The following VPS13B variants were observed in gnomAD, a reference collection of about 807,000 sequenced individuals.
VPS13B encodes vacuolar protein sorting 13 homolog B, also known as intermembrane lipid transfer protein VPS13B.
VPS13B carries 285 observed loss-of-function variants against 426.4 expected under a neutral mutation model. The observed-to-expected ratio is 0.67, with a 90% confidence interval of 0.61 to 0.74. VPS13B has a LOEUF of 0.74. Among genes scored for constraint, VPS13B ranks in the 30% least tolerant of loss-of-function variants. The probability of loss-of-function intolerance (pLI) is 0.00; values close to 1 mark genes in which losing one functional copy is unlikely to be tolerated. For missense variants in VPS13B, 4,537 were observed against 4,782.6 expected, an observed-to-expected ratio of 0.95 and a Z score of 1.51; for synonymous variants, 1,676 against 1,676.4, an observed-to-expected ratio of 1.00 and a Z score of 0.01.
intron 19 of VPS13B, among the ~76,000 whole-genome samples, chr8:99,383,085 C>G (rs533246531): frequency 6.6e-6 from 1 of 152,246 alleles, no homozygotes; most frequent in South Asian, 2.1e-4. Flanking sequence ...TGTATATAAC[C>G]CGCACATAAA....
intron 31 of VPS13B, among the ~76,000 whole-genome samples, chr8:99,563,500 T>C (rs990015548): frequency 6.6e-6 from 1 of 151,902 alleles, no homozygotes; most frequent in African/African-American, 2.4e-5. Context: ...AGGTACAAAA[T>C]AGTCAATCAT....
intron 19 of VPS13B, among the ~76,000 whole-genome samples, chr8:99,376,664 A>G (rs1813504318): frequency 6.6e-6 from 1 of 152,164 alleles, no homozygotes; most frequent in Non-Finnish European, 1.5e-5. Flanking sequence ...AATTCATTGA[A>G]CACATTTAGT....
intron 41 of VPS13B, 109 bp from the exon 42 acceptor site, chr8:99,778,573 C>T: frequency 1.0e-6 from 1 of 987,882 alleles, no homozygotes; most frequent in Non-Finnish European, 1.6e-6. Context: ...ACACCAAAAA[C>T]TAATTTCAAT....
intron 3 of VPS13B, among the ~76,000 whole-genome samples, chr8:99,050,823 T>A (rs139969271): frequency 0.032 from 4,908 of 152,306 alleles, 115 homozygotes; most frequent in Non-Finnish European, 0.047. Context: ...TTGGCTGCAT[T>A]AATGTCTTCT....
chr8:99,199,629 A>G (rs531729027), intron 17 of VPS13B, among the ~76,000 whole-genome samples: 4 of 152,202 alleles, frequency 2.6e-5, no homozygotes, highest in African/African-American at 7.2e-5. Context: ...TTTTTCTTCT[A>G]TCTGGAACCT....
intron 36 of VPS13B, among the ~76,000 whole-genome samples, chr8:99,702,865 C>T (rs1832341440): frequency 2.0e-5 from 3 of 151,746 alleles, no homozygotes; most frequent in South Asian, 2.1e-4. Context: ...ATTTAGGAGC[C>T]GAAATAGATT....
At chr8:99,618,540 T>G (rs1176638073) in intron 33 of VPS13B, among the ~76,000 whole-genome samples, 2 of 152,214 alleles carry the variant, frequency 1.3e-5, no homozygotes, top group Non-Finnish European at 2.9e-5. Context: ...ACAGCTTGAA[T>G]AGAATTCATT....
intron 44 of VPS13B, among the ~76,000 whole-genome samples, chr8:99,813,547 T>C (rs1813845767): frequency 6.6e-6 from 1 of 152,244 alleles, no homozygotes; most frequent in Non-Finnish European, 1.5e-5. Flanking sequence ...ACCCCTAGCA[T>C]ATGCTAAAGA....
chr8:99,804,754 G>C (rs1228192932), intron 43 of VPS13B, among the ~76,000 whole-genome samples: 1 of 152,106 alleles, frequency 6.6e-6, no homozygotes, highest in East Asian at 1.9e-4. Context: ...CACTTTGGGA[G>C]GCCAAGGGGG....
intron 2 of VPS13B, among the ~76,000 whole-genome samples, chr8:99,036,402 C>T (rs1362717203): frequency 2.0e-5 from 3 of 152,040 alleles, no homozygotes; most frequent in Non-Finnish European, 4.4e-5. Context: ...ACATATATTT[C>T]AAGAAGGGAA....
intron 13 of VPS13B, among the ~76,000 whole-genome samples, chr8:99,146,676 G>C (rs1810742904): frequency 6.6e-6 from 1 of 152,124 alleles, no homozygotes; most frequent in Non-Finnish European, 1.5e-5. Context: ...AAAATCAAGT[G>C]AGTCTCCTGC....
At chr8:99,521,080 C>A in intron 30 of VPS13B, 70 bp downstream of exon 30, 1 of 1,203,252 alleles carries the variant, frequency 8.3e-7, no homozygotes, top group Non-Finnish European at 1.2e-6. Context: ...TGGTCAATAA[C>A]TTAGTGTGGC....
intron 31 of VPS13B, among the ~76,000 whole-genome samples, chr8:99,571,881 T>C (rs750394489): frequency 6.6e-6 from 1 of 152,212 alleles, no homozygotes; most frequent in Admixed American, 6.5e-5. Flanking sequence ...CCAATACTTA[T>C]GTGTCATAGA....
At chr8:99,312,440 C>G (rs1243529703) in intron 19 of VPS13B, among the ~76,000 whole-genome samples, 1 of 152,166 alleles carries the variant, frequency 6.6e-6, no homozygotes, top group African/African-American at 2.4e-5. Flanking sequence ...CTTAGTTTGG[C>G]TGAATATGAA....
At chr8:99,498,092 AT>A (rs1395942408) in intron 25 of VPS13B, among the ~76,000 whole-genome samples, 1 of 152,090 alleles carries the variant, frequency 6.6e-6, no homozygotes, top group Non-Finnish European at 1.5e-5. Flanking sequence ...TCATATAAAA[AT>A]GTCTTTAAAT....
intron 59 of VPS13B, 134 bp from the exon 60 acceptor site, chr8:99,870,651 C>A: frequency 1.3e-6 from 1 of 775,312 alleles, no homozygotes; most frequent in Non-Finnish European, 2.3e-6. Flanking sequence ...TATCTATACG[C>A]TTGCTTCCAA....
At chr8:99,557,556 T>G (rs1309621403) in intron 31 of VPS13B, among the ~76,000 whole-genome samples, 2 of 152,176 alleles carry the variant, frequency 1.3e-5, no homozygotes. Flanking sequence ...GACGGGCACT[T>G]CGATTGTTTA....
intron 21 of VPS13B, among the ~76,000 whole-genome samples, chr8:99,409,105 C>T (rs1815484363): frequency 6.6e-6 from 1 of 152,074 alleles, no homozygotes; most frequent in African/African-American, 2.4e-5. Context: ...TTCCATTTAG[C>T]CACTCTGAGG....
intron 54 of VPS13B, among the ~76,000 whole-genome samples, chr8:99,847,089 C>T (rs779238865): frequency 5.9e-4 from 90 of 152,206 alleles, no homozygotes; most frequent in Non-Finnish European, 6.2e-4. Context: ...GTTTTAGATT[C>T]ATGAGCTGAG....
Sources: gnomAD v4.1 joint callset for allele counts (sites outside exome capture counted in the v4.1 genomes callset) on GRCh38, gnomAD v4.1.1 for gene constraint, MANE v1.5 for transcripts, NCBI Gene and HGNC (gene_info 2026-07-23, HGNC 2026-07-21) for gene names.